The following IRS1 variants were observed in gnomAD, a reference collection of about 807,000 sequenced individuals.
The protein encoded by IRS1 is insulin receptor substrate 1.
IRS1 carries 34 observed loss-of-function variants against 65.6 expected under a neutral mutation model. The observed-to-expected ratio is 0.52, with a 90% CI of 0.39 to 0.69. The LOEUF (loss-of-function observed/expected upper bound fraction) is 0.69. Among genes scored for constraint, IRS1 ranks in the 30% least tolerant of loss-of-function variants. IRS1 has a pLI of 0.00. For missense variants in IRS1, 1,641 were observed against 1,720.2 expected (o/e 0.95, Z 0.81); for synonymous variants, 699 against 683.5 (o/e 1.02, Z -0.35).
At chr2:226,790,006 C>T (rs570244887) in intron 1 of IRS1, among the ~76,000 whole-genome samples, 26 of 152,202 alleles carry the variant, frequency 1.7e-4, no homozygotes, top group African/African-American at 6.0e-4. Context: ...ATGGACAGAA[C>T]AGGCTATTCT....
intron 1 of IRS1, among the ~76,000 whole-genome samples, chr2:226,777,908 T>A (rs1264285285): frequency 1.3e-5 from 2 of 152,186 alleles, no homozygotes; most frequent in African/African-American, 2.4e-5. Context: ...GACCCTATTA[T>A]TAAGTTTCAG....
intron 1 of IRS1, among the ~76,000 whole-genome samples, chr2:226,758,393 C>G (rs1324788792): frequency 1.3e-5 from 2 of 152,108 alleles, no homozygotes; most frequent in Non-Finnish European, 2.9e-5. Flanking sequence ...ATAAAAACAC[C>G]ATAAGTGAAA....
chr2:226,762,939 C>T lies in IRS1; in HGVS notation c.*22-26689G>A, dbSNP rs191998544. Among the ~76,000 whole-genome samples, 9 of 152,328 alleles carry T rather than the reference C, an allele frequency of 5.9e-5. No homozygotes were observed. In the East Asian group the frequency reaches 1.7e-3, roughly 29 times the overall value. On this transcript the variant is annotated intron_variant, in intron 1 of 1. Coordinates refer to ENST00000305123, the MANE Select transcript of IRS1 (RefSeq NM_005544.3). ...AACAAGTGGTCTGCCAGAGCGTTAA[C>T]AGGCGTGCATTTGTTATTCTTACAA...
intron 1 of IRS1, among the ~76,000 whole-genome samples, chr2:226,789,710 G>C (rs767275660): frequency 1.6e-4 from 25 of 152,184 alleles, no homozygotes; most frequent in Admixed American, 1.6e-3. Context: ...GTGGGGAGGG[G>C]TGGGATGTTT....
At chr2:226,739,783 T>TC (rs977541285) in intron 1 of IRS1, among the ~76,000 whole-genome samples, 1 of 152,130 alleles carries the variant, frequency 6.6e-6, no homozygotes, top group African/African-American at 2.4e-5. Flanking sequence ...TGAACTTGAA[T>TC]AAAGCAACTC....
rs565066827 is a variant in IRS1, at chr2:226,739,687, G to A, written c.*22-3437C>T. 2.0e-5 allele frequency among the ~76,000 whole-genome samples: 3 copies of A among 152,310 alleles called. No individual in the cohort carries two copies. The South Asian group carries it at 6.2e-4, about 32-fold the overall frequency. ...TTGGAAAGGAAGTCTCCTCACTTTA[G>A]AGACAGACCTCAACATATGCTTAAT... On this transcript the variant is annotated intron_variant, in intron 1 of 1. Transcript: ENST00000305123.
At chr2:226,747,048 C>A (rs1022117303) in intron 1 of IRS1, among the ~76,000 whole-genome samples, 4 of 151,984 alleles carry the variant, frequency 2.6e-5, no homozygotes, top group African/African-American at 9.7e-5. Flanking sequence ...CCTCTGCCTC[C>A]CAAAGTGCTG....
chr2:226,737,181 G>C (rs543103685), intron 1 of IRS1, among the ~76,000 whole-genome samples: 2 of 147,366 alleles, frequency 1.4e-5, no homozygotes, highest in East Asian at 2.0e-4. Context: ...CTATGAGTGA[G>C]AATATGCGCT....
intron 1 of IRS1, among the ~76,000 whole-genome samples, chr2:226,738,213 G>T (rs1185648896): frequency 6.6e-6 from 1 of 152,318 alleles, no homozygotes; most frequent in African/African-American, 2.4e-5. Context: ...CGCAACGTAA[G>T]TGTGGACCGA....
chr2:226,742,161 G>A lies in IRS1; in HGVS notation c.*22-5911C>T, dbSNP rs186514314. Among the ~76,000 whole-genome samples, 37 of 152,266 alleles carry A rather than the reference G, an allele frequency of 2.4e-4. 1 individual carries two copies. Among genetic ancestry groups the A allele is most frequent in the Admixed American group, 2.2e-3 (33 of 15,288 alleles). On this transcript the variant is annotated intron_variant, in intron 1 of 1. Transcript: ENST00000305123. The stretch of plus-strand genomic sequence containing the variant: ...GTCTGGGACATGGGATAATCTCCCC[G>A]TTCTTTACAAGGGACAGCTGGGAAG...
chr2:226,784,418 T>C (rs1204904029), intron 1 of IRS1, among the ~76,000 whole-genome samples: 2 of 152,036 alleles, frequency 1.3e-5, no homozygotes, highest in Non-Finnish European at 1.5e-5. Flanking sequence ...ATTTTTTTAT[T>C]TTTATTTTAT....
intron 1 of IRS1, among the ~76,000 whole-genome samples, chr2:226,788,551 G>A (rs79131185): frequency 0.1 from 15,511 of 152,156 alleles, 1,012 homozygotes; most frequent in South Asian, 0.25. Context: ...AATGGAAAGT[G>A]TTCCTTTTAT....
rs142818292 is a variant in IRS1, at chr2:226,796,655, T to A, written c.2084A>T (p.Tyr695Phe). 3.1e-4 allele frequency: 507 copies of A among 1,613,790 alleles called. 1 individual carries two copies. In the African/African-American group the frequency reaches 5.2e-3, roughly 17 times the overall value. The change falls in exon 1 of 2, where the codon TAT (tyrosine) becomes TTT (phenylalanine). Residue 695 changes from tyrosine (Y) to phenylalanine (F), a missense_variant. Tyr to Phe is a conservative substitution (Grantham distance 22, BLOSUM62 3). Around this residue, in one of 3 missense-constraint regions of IRS1, gnomAD observed 1,324 missense variants for 1,361.0 expected, o/e 0.97. Transcript: ENST00000305123. ...TACCCCGTTTGTCCACAGCTTTCCA[T>A]AGCTGGTCCCGGAAGGGACGGCGTT... ...SSNAVPSGTS[Y>F]GKLWTNGVGG...
chr2:226,755,366 A>T (rs1482612543), intron 1 of IRS1, among the ~76,000 whole-genome samples: 1 of 152,218 alleles, frequency 6.6e-6, no homozygotes, highest in Non-Finnish European at 1.5e-5. Flanking sequence ...GTACTTTGAG[A>T]AGGGGAAAAC....
chr2:226,785,011 T>C (rs1939460507), intron 1 of IRS1, among the ~76,000 whole-genome samples: 1 of 152,218 alleles, frequency 6.6e-6, no homozygotes, highest in South Asian at 2.1e-4. Flanking sequence ...TGTAAATAAA[T>C]TTCATTAATT....
intron 1 of IRS1, among the ~76,000 whole-genome samples, chr2:226,746,077 A>T (rs1286336961): frequency 6.6e-6 from 1 of 152,178 alleles, no homozygotes; most frequent in African/African-American, 2.4e-5. Flanking sequence ...GGAAGATCTC[A>T]AATGAATGCT....
intron 1 of IRS1, among the ~76,000 whole-genome samples, chr2:226,754,559 G>A (rs938923476): frequency 6.6e-6 from 1 of 152,136 alleles, no homozygotes; most frequent in African/African-American, 2.4e-5. Flanking sequence ...TCTCAAACTA[G>A]TAAAGGGACA....
chr2:226,786,851 C>A (rs910399613), intron 1 of IRS1, among the ~76,000 whole-genome samples: 1 of 146,444 alleles, frequency 6.8e-6, no homozygotes, highest in Non-Finnish European at 1.5e-5. Flanking sequence ...TAAAAATAAA[C>A]GTGACTGCAT....
At chr2:226,755,013 A>G (rs1938765641) in intron 1 of IRS1, among the ~76,000 whole-genome samples, 2 of 152,362 alleles carry the variant, frequency 1.3e-5, no homozygotes, top group South Asian at 4.1e-4. Flanking sequence ...GCCAAAAGGT[A>G]AAGCGTGAGG....
Sources: gnomAD v4.1 joint callset for allele counts (sites outside exome capture counted in the v4.1 genomes callset) on GRCh38, gnomAD v4.1.1 for gene constraint, gnomAD v4.1.1 regional missense constraint, MANE v1.5 for transcripts, NCBI Gene and HGNC (gene_info 2026-07-23, HGNC 2026-07-21) for gene names.